Variants in TRAF5 observed in about 807,000 individuals in gnomAD.
The protein encoded by TRAF5 is TNF receptor-associated factor 5.
Under a neutral mutation model 64.5 loss-of-function variants are expected in TRAF5, and 48 were observed. That is an observed-to-expected ratio of 0.74 (90% CI 0.59 to 0.95). TRAF5 has a LOEUF of 0.95. Ranked by LOEUF, TRAF5 falls within the 40% of genes least tolerant of loss-of-function variation. The pLI is 0.00. For missense variants in TRAF5, 545 were observed against 662.8 expected, an observed-to-expected ratio of 0.82 and a Z score of 1.95; for synonymous variants, 206 against 240.5, an observed-to-expected ratio of 0.86 and a Z score of 1.33.
At chr1:211,346,474 T>C in intron 1 of TRAF5, 4 of 979,306 alleles carry the variant, frequency 4.1e-6, no homozygotes, top group Non-Finnish European at 4.9e-6. Flanking sequence ...CTTTTCACTC[T>C]GGGATTTTAT....
chr1:211,330,286 C>A (rs907350351), intron 1 of TRAF5, among the ~76,000 whole-genome samples: 1 of 152,072 alleles, frequency 6.6e-6, no homozygotes, highest in African/African-American at 2.4e-5. Flanking sequence ...TCAGCAGAGC[C>A]CCATGTCTCA....
rs1372218216 is a variant in TRAF5 at position 211,371,981 on chromosome 1, A to G, written c.1100-147A>G. On this transcript the variant is annotated intron_variant, in intron 10 of 10. Coordinates refer to ENST00000261464, the MANE Select transcript of TRAF5 (RefSeq NM_001033910.3). Reference sequence around the variant, plus strand: ...AAGACATGATATTCCCTGAGTTAATATTACTACAACAAATGAATTCAGCTC... The same window carrying G: ...AAGACATGATATTCCCTGAGTTAATGTTACTACAACAAATGAATTCAGCTC... 7 of 704,368 alleles carry G rather than the reference A, an allele frequency of 9.9e-6. No individual in the cohort carries two copies. In the Admixed American group the frequency reaches 2.1e-4, roughly 21 times the overall value. The allele number at this position is 704,368 out of a possible 1,614,324, so 43.6% of individuals were successfully genotyped here. A position where few individuals can be genotyped will look rare whatever the true frequency, so the allele number is the denominator to read the frequency against.
intron 1 of TRAF5, chr1:211,346,350 C>A: frequency 1.0e-6 from 1 of 985,390 alleles, no homozygotes; most frequent in Non-Finnish European, 1.2e-6. Context: ...ATTCTCAGGA[C>A]CTAACCCAGG....
At chr1:211,345,363 C>CA (rs1190896254) in intron 1 of TRAF5, among the ~76,000 whole-genome samples, 1 of 151,236 alleles carries the variant, frequency 6.6e-6, no homozygotes, top group African/African-American at 2.4e-5. Context: ...CCCTGCGCTC[C>CA]CCCCCCCTCC....
intron 1 of TRAF5, among the ~76,000 whole-genome samples, chr1:211,330,173 T>C (rs1308277392): frequency 6.6e-6 from 1 of 152,122 alleles, no homozygotes; most frequent in African/African-American, 2.4e-5. Flanking sequence ...TACATGCAAA[T>C]GGTCTGTACA....
intron 8 of TRAF5, chr1:211,369,239 T>A: frequency 2.6e-6 from 1 of 380,344 alleles, no homozygotes; most frequent in Non-Finnish European, 4.6e-6. Context: ...TAGAAAAGGC[T>A]GATGAGAAAT....
chr1:211,339,824 T>G (rs766036155), intron 1 of TRAF5, among the ~76,000 whole-genome samples: 14 of 152,172 alleles, frequency 9.2e-5, no homozygotes, highest in Non-Finnish European at 1.8e-4. Flanking sequence ...CGGGAGGGAA[T>G]TGCCCTGTGT....
At chr1:211,350,686 CT>C (rs1187076211) in intron 1 of TRAF5, among the ~76,000 whole-genome samples, 2 of 152,222 alleles carry the variant, frequency 1.3e-5, no homozygotes, top group African/African-American at 4.8e-5. Flanking sequence ...TGGCTTGGTA[CT>C]TGTCTTAGCT....
intron 1 of TRAF5, among the ~76,000 whole-genome samples, chr1:211,340,694 A>G (rs1702424059): frequency 6.6e-6 from 1 of 152,218 alleles, no homozygotes; most frequent in Non-Finnish European, 1.5e-5. Context: ...CATTATCTCA[A>G]GTAGCAGAAC....
rs148298201 is a variant in TRAF5, at chr1:211,332,497, C to T, written c.-2+5608C>T. 3.2e-3 allele frequency among the ~76,000 whole-genome samples: 485 copies of T among 152,216 alleles called. 4 individuals carry two copies. Among genetic ancestry groups the T allele is most frequent in the Middle Eastern group, 0.014 (4 of 294 alleles). On this transcript the variant is annotated intron_variant, in intron 1 of 10. Coordinates refer to ENST00000261464, the MANE Select transcript of TRAF5 (RefSeq NM_001033910.3). ...GGGAGGTGGGTGGGGCTAAGCTAAG[C>T]GGCAGCCATGAAGGTCCCTCTTCTG...
intron 7 of TRAF5, among the ~76,000 whole-genome samples, chr1:211,364,749 A>G (rs565278407): frequency 1.3e-5 from 2 of 152,156 alleles, no homozygotes; most frequent in South Asian, 4.1e-4. Flanking sequence ...GATAGGTTTT[A>G]TATGGGAATA....
chr1:211,346,705 C>T (rs1702617182), intron 1 of TRAF5, among the ~76,000 whole-genome samples: 1 of 152,200 alleles, frequency 6.6e-6, no homozygotes, highest in Non-Finnish European at 1.5e-5. Flanking sequence ...CTGCAAAATA[C>T]ATATCTTTTT....
intron 7 of TRAF5, among the ~76,000 whole-genome samples, chr1:211,361,661 CAT>C (rs1362282569): frequency 1.4e-5 from 2 of 147,274 alleles, no homozygotes; most frequent in African/African-American, 5.1e-5. Context: ...CAGGTTGACA[CAT>C]AAAATTAACC....
At chr1:211,356,146 G>T (rs1702955064) in intron 3 of TRAF5, among the ~76,000 whole-genome samples, 1 of 152,196 alleles carries the variant, frequency 6.6e-6, no homozygotes, top group South Asian at 2.1e-4. Context: ...GGTGCGCAGG[G>T]CATTGTTACC....
At chr1:211,357,693 T>C in intron 4 of TRAF5, 1 of 152,202 alleles carries the variant, frequency 6.6e-6, no homozygotes, top group East Asian at 1.9e-4. Context: ...CAACCAATTT[T>C]GGAGAAGAGA....
At chr1:211,335,661 A>C (rs1021572292) in intron 1 of TRAF5, among the ~76,000 whole-genome samples, 6 of 152,190 alleles carry the variant, frequency 3.9e-5, no homozygotes, top group Non-Finnish European at 8.8e-5. Context: ...GTGAGGCTTC[A>C]TCTGGGCTTG....
In TRAF5 at chr1:211,344,616, C is replaced by CGAAGG. The variant is rs1273432576; in HGVS notation, c.-1-8623_-1-8622insGAAGG. On this transcript the variant is annotated intron_variant, in intron 1 of 10. Coordinates refer to ENST00000261464, the MANE Select transcript of TRAF5 (RefSeq NM_001033910.3). ...TTGACCTGCCTGGTTAAAGGGGTTT[C>CGAAGG]TTCTTCAGTTTTTGAGGGAAGGCCT... Among the ~76,000 whole-genome samples the CGAAGG allele has an allele frequency of 6.5e-4, 99 of 152,314 alleles. 1 individual carries two copies. The highest frequency in any genetic ancestry group is 3.4e-3 in the Middle Eastern group (1 of 294).
chr1:211,353,730 G>C (rs1702870185), intron 2 of TRAF5: 2 of 464,124 alleles, frequency 4.3e-6, no homozygotes, highest in African/African-American at 3.9e-5. Context: ...CATCATGGGA[G>C]CTGGCTGTGG....
intron 8 of TRAF5, among the ~76,000 whole-genome samples, chr1:211,366,975 T>G (rs981178727): frequency 2.7e-5 from 4 of 150,628 alleles, no homozygotes; most frequent in African/African-American, 7.3e-5. Flanking sequence ...AATTGTTTGT[T>G]TGTTTGTTTG....
Sources: gnomAD v4.1 joint callset for allele counts (sites outside exome capture counted in the v4.1 genomes callset) on GRCh38, gnomAD v4.1.1 for gene constraint, MANE v1.5 for transcripts, NCBI Gene and HGNC (gene_info 2026-07-23, HGNC 2026-07-21) for gene names.